RBMS1: variants seen among roughly 807,000 people sequenced by gnomAD.
The protein encoded by RBMS1 is RNA binding motif single stranded interacting protein 1.
A neutral mutation model predicts 62.3 loss-of-function variants in RBMS1; 17 were observed. The ratio of observed to expected loss-of-function variants is 0.27; its 90% CI spans 0.19 to 0.41. The LOEUF is 0.41. RBMS1 is among the 10% of genes least tolerant of loss of function. The pLI is 1.00. For missense variants in RBMS1, 334 were observed against 504.5 expected, an observed-to-expected ratio of 0.66 and a Z score of 3.24; for synonymous variants, 172 against 170.0, an observed-to-expected ratio of 1.01 and a Z score of -0.09.
chr2:160,324,907 TACACAC>T (rs1183675474), intron 2 of RBMS1, among the ~76,000 whole-genome samples: 54 of 106,776 alleles, frequency 5.1e-4, no homozygotes, highest in South Asian at 2.0e-3. Flanking sequence ...TATATATATA[TACACAC>T]ACACACACAC....
At chr2:160,275,769 T>C in intron 12 of RBMS1, 55 bp from the exon 13 acceptor site, 1 of 1,611,054 alleles carries the variant, frequency 6.2e-7, no homozygotes, top group Non-Finnish European at 8.5e-7. Context: ...ACCTCAGCTC[T>C]GCTACTTAGG....
At chr2:160,362,293 C>T (rs543967422) in intron 2 of RBMS1, among the ~76,000 whole-genome samples, 4 of 152,154 alleles carry the variant, frequency 2.6e-5, no homozygotes, top group Non-Finnish European at 4.4e-5. Flanking sequence ...TTTTCCTTTG[C>T]GGGCTGTTTG....
intron 2 of RBMS1, among the ~76,000 whole-genome samples, chr2:160,364,029 T>C (rs1242789987): frequency 1.3e-5 from 2 of 152,214 alleles, no homozygotes; most frequent in African/African-American, 2.4e-5. Context: ...AGCCCTCAAT[T>C]CATCCATCTA....
chr2:160,446,007 A>AT (rs1257588566), intron 1 of RBMS1, among the ~76,000 whole-genome samples: 2 of 151,772 alleles, frequency 1.3e-5, no homozygotes, highest in Non-Finnish European at 2.9e-5. Flanking sequence ...AAAAAAAAAA[A>AT]ATGTATTAAG....
intron 6 of RBMS1, among the ~76,000 whole-genome samples, chr2:160,293,390 T>G (rs982736037): frequency 6.6e-6 from 1 of 152,004 alleles, no homozygotes; most frequent in Non-Finnish European, 1.5e-5. Context: ...AAAGTCAGAG[T>G]AACACAGAAA....
At chr2:160,421,148 T>G (rs1696407521) in intron 1 of RBMS1, among the ~76,000 whole-genome samples, 1 of 151,838 alleles carries the variant, frequency 6.6e-6, no homozygotes, top group Non-Finnish European at 1.5e-5. Context: ...TTTTTTCTTT[T>G]TTTTTTTATT....
chr2:160,337,183 G>C (rs1461284373), intron 2 of RBMS1, among the ~76,000 whole-genome samples: 1 of 149,830 alleles, frequency 6.7e-6, no homozygotes, highest in Admixed American at 6.6e-5. Context: ...GCCCAGGCTG[G>C]AGTGCAATGG....
intron 1 of RBMS1, among the ~76,000 whole-genome samples, chr2:160,375,481 A>C (rs1386241230): frequency 6.6e-6 from 1 of 152,222 alleles, no homozygotes; most frequent in Non-Finnish European, 1.5e-5. Context: ...AGGTAGAAAC[A>C]ATATTACAGC....
At chr2:160,484,309 C>G (rs1226510233) in intron 1 of RBMS1, among the ~76,000 whole-genome samples, 1 of 151,550 alleles carries the variant, frequency 6.6e-6, no homozygotes, top group African/African-American at 2.4e-5. Context: ...TCCTGGCTAA[C>G]ACGGTGAAAC....
At chr2:160,373,372 G>A (rs1240072043) in intron 1 of RBMS1, among the ~76,000 whole-genome samples, 1 of 152,122 alleles carries the variant, frequency 6.6e-6, no homozygotes, top group Non-Finnish European at 1.5e-5. Flanking sequence ...GACTTGCATT[G>A]TTGAATACAA....
chr2:160,330,298 C>T (rs546024234), intron 2 of RBMS1, among the ~76,000 whole-genome samples: 3 of 152,200 alleles, frequency 2.0e-5, no homozygotes, highest in East Asian at 1.9e-4. Context: ...ATGGTGAACA[C>T]GAAGGGAGGC....
In RBMS1 at chr2:160,284,870, T is replaced by C. The variant is rs751618637; in HGVS notation, c.807-2A>G. ...ATACTGTATGGTGAAGGATAAAATC[T>C]AGAACAAACACAAAAGCCTTTATTA... On this transcript the variant is annotated splice_acceptor_variant, in intron 8 of 13. Transcript: ENST00000348849. LOFTEE classifies it high-confidence loss of function. 2 of 1,596,760 alleles carry C rather than the reference T, an allele frequency of 1.3e-6. No homozygotes were observed. Among genetic ancestry groups the C allele is most frequent in the Non-Finnish European group, 1.7e-6 (2 of 1,165,664 alleles).
chr2:160,297,179 A>T (rs1167961847), intron 6 of RBMS1, among the ~76,000 whole-genome samples: 1 of 152,244 alleles, frequency 6.6e-6, no homozygotes, highest in Non-Finnish European at 1.5e-5. Flanking sequence ...CCAGCTAAAC[A>T]TAAGATGACT....
At chr2:160,416,598 C>T (rs1020840783) in intron 1 of RBMS1, among the ~76,000 whole-genome samples, 1 of 152,110 alleles carries the variant, frequency 6.6e-6, no homozygotes, top group African/African-American at 2.4e-5. Context: ...GCCCCTGCCC[C>T]GCCACCAGTG....
intron 1 of RBMS1, among the ~76,000 whole-genome samples, chr2:160,465,624 C>T (rs535659919): frequency 1.2e-4 from 18 of 152,210 alleles, no homozygotes; most frequent in Non-Finnish European, 1.0e-4. Context: ...TTAAAGCAGG[C>T]CTGGCACAGG....
chr2:160,441,336 T>C (rs1157719681), intron 1 of RBMS1, among the ~76,000 whole-genome samples: 1 of 152,234 alleles, frequency 6.6e-6, no homozygotes, highest in Admixed American at 6.5e-5. Context: ...TTTATGTAAG[T>C]CTTTTTTGTG....
At chr2:160,275,788 A>G in intron 12 of RBMS1, 74 bp from the exon 13 acceptor site, 3 of 1,597,380 alleles carry the variant, frequency 1.9e-6, no homozygotes, top group Non-Finnish European at 2.6e-6. Context: ...GGCCTGACTG[A>G]ATCCAACAGT....
chr2:160,408,177 T>C (rs913845427), intron 1 of RBMS1, among the ~76,000 whole-genome samples: 1 of 151,724 alleles, frequency 6.6e-6, no homozygotes, highest in Non-Finnish European at 1.5e-5. Flanking sequence ...CTGTTCTTTT[T>C]CCCCCTCGGT....
At chr2:160,340,080 T>C (rs1194834408) in intron 2 of RBMS1, among the ~76,000 whole-genome samples, 2 of 152,236 alleles carry the variant, frequency 1.3e-5, no homozygotes, top group Non-Finnish European at 2.9e-5. Context: ...ACCAATGGTA[T>C]TACTTTTTGA....
Sources: gnomAD v4.1 joint callset for allele counts (sites outside exome capture counted in the v4.1 genomes callset) on GRCh38, gnomAD v4.1.1 for gene constraint, MANE v1.5 for transcripts, NCBI Gene and HGNC (gene_info 2026-07-23, HGNC 2026-07-21) for gene names.